The following HDAC8 variants were observed in gnomAD, a reference collection of about 807,000 sequenced individuals.
The protein encoded by HDAC8 is histone deacetylase-like 1.
A neutral mutation model predicts 32.2 loss-of-function variants in HDAC8; 1 was observed. The ratio of observed to expected loss-of-function variants is 0.03; its 90% CI spans 0.01 to 0.15. The LOEUF is 0.15. Among genes scored for constraint, HDAC8 ranks in the 10% least tolerant of loss-of-function variants. The pLI is 1.00. For missense variants in HDAC8, 117 were observed against 300.0 expected, an observed-to-expected ratio of 0.39 and a Z score of 4.51; for synonymous variants, 108 against 113.9, an observed-to-expected ratio of 0.95 and a Z score of 0.33.
chrX:72,500,976 A>G (rs2049194687), intron 4 of HDAC8, among the ~76,000 whole-genome samples: 1 of 111,997 alleles, frequency 8.9e-6, no homozygotes, highest in Non-Finnish European at 1.9e-5. Context: ...CATACCAACA[A>G]TAGTCAACCC....
intron 9 of HDAC8, among the ~76,000 whole-genome samples, chrX:72,391,820 A>T (rs2045619685): frequency 9.0e-6 from 1 of 111,117 alleles, no homozygotes; most frequent in Non-Finnish European, 1.9e-5. Context: ...TGAGCGAATT[A>T]ATCATTCCCC....
chrX:72,532,493 A>T (rs111644182), intron 4 of HDAC8, among the ~76,000 whole-genome samples: 9,582 of 91,621 alleles, frequency 0.1, 1,263 homozygotes, highest in African/African-American at 0.37. Flanking sequence ...TTTTTTTTTT[A>T]AATTAGAGAC....
chrX:72,464,580 C>G lies in HDAC8; in HGVS notation c.889G>C (p.Ala297Pro), dbSNP rs781944571. The G allele has an allele frequency of 5.8e-6, 7 of 1,207,550 alleles. No individual in the cohort carries two copies. The highest frequency in any genetic ancestry group is 7.8e-6 in the Non-Finnish European group (7 of 893,171). The change falls in exon 8 of 11, where the codon GCA becomes CCA. Residue 297 changes from alanine (A) to proline (P), a missense_variant. By Grantham distance (27) the Ala-to-Pro change is conservative. This residue lies in a region of HDAC8 where 57 missense variants were observed against 182.0 expected (regional missense o/e 0.31). Coordinates refer to ENST00000373573, the MANE Select transcript of HDAC8 (RefSeq NM_018486.3). The part of the protein sequence containing the change: ...CLKYILQWQL[A>P]TLILGGGGYN... ...TCACCTCCTCCCAAAATGAGTGTTG[C>G]CAACTGCCATTGAAGGATGTACTTA...
rs139482021 is a variant in HDAC8, at chrX:72,431,819, T to C, written c.1005+30185A>G. On this transcript the variant is annotated intron_variant, in intron 9 of 10. Coordinates refer to ENST00000373573, the MANE Select transcript of HDAC8 (RefSeq NM_018486.3). ...ACATCTGGTTTTCTTTCCATAAATA[T>C]TAGCTAATACTTACTAAGCATTTAT... Among the ~76,000 whole-genome samples, 1,025 of 112,139 alleles carry C rather than the reference T, an allele frequency of 9.1e-3. 5 individuals carry two copies. The highest frequency in any genetic ancestry group is 0.014 in the Non-Finnish European group (761 of 53,253).
chrX:72,356,769 G>A (rs782616709), intron 9 of HDAC8, among the ~76,000 whole-genome samples: 29 of 111,369 alleles, frequency 2.6e-4, no homozygotes, highest in African/African-American at 9.5e-4. Context: ...TAGTAGAGAC[G>A]GGGTTTCACC....
chrX:72,450,219 A>C (rs782412859), intron 9 of HDAC8, among the ~76,000 whole-genome samples: 15 of 112,291 alleles, frequency 1.3e-4, no homozygotes, highest in African/African-American at 4.8e-4. Flanking sequence ...AGAGATGAAG[A>C]AAGGTCAGTG....
At chrX:72,345,882 C>T (rs181494150) in intron 10 of HDAC8, among the ~76,000 whole-genome samples, 1 of 110,885 alleles carries the variant, frequency 9.0e-6, no homozygotes, top group Non-Finnish European at 1.9e-5. Flanking sequence ...TGGGGTTTCA[C>T]CATGTTGTCC....
At chrX:72,549,776 T>TA (rs1187314650) in intron 4 of HDAC8, among the ~76,000 whole-genome samples, 1 of 111,958 alleles carries the variant, frequency 8.9e-6, no homozygotes, top group Admixed American at 9.5e-5. Flanking sequence ...CTTTACTATC[T>TA]ATTGTATCTA....
At position 72,503,879 on chromosome X, in the gene HDAC8, G is replaced by GT. The variant is rs781852523; in HGVS notation, c.438-8612dup. ...ACTAGCCTGGTACCTGACTTACAGG[G>GT]TTCTCAGCCTTACAACTGAGTAAGG... is the stretch of plus-strand genomic sequence containing the variant. On this transcript the variant is annotated intron_variant, in intron 4 of 10. Transcript: ENST00000373573. Among the ~76,000 whole-genome samples the GT allele has an allele frequency of 3.6e-5, 4 of 112,127 alleles. No homozygotes were observed. The East Asian group carries it at 8.4e-4, about 24-fold the overall frequency.
intron 9 of HDAC8, among the ~76,000 whole-genome samples, chrX:72,387,372 A>T (rs981293091): frequency 1.8e-5 from 2 of 112,306 alleles, no homozygotes; most frequent in African/African-American, 6.5e-5. Context: ...GGAAAGATGG[A>T]GGCCAGCAGG....
At chrX:72,362,890 C>T (rs2044596079) in intron 9 of HDAC8, among the ~76,000 whole-genome samples, 1 of 111,316 alleles carries the variant, frequency 9.0e-6, no homozygotes, top group African/African-American at 3.3e-5. Flanking sequence ...GTGAAAATGA[C>T]TATTAAGAAA....
At chrX:72,387,833 T>C (rs1297790412) in intron 9 of HDAC8, among the ~76,000 whole-genome samples, 1 of 111,382 alleles carries the variant, frequency 9.0e-6, no homozygotes, top group Admixed American at 9.6e-5. Flanking sequence ...TTGAATTTAG[T>C]ATAGTTGAGG....
At position 72,496,025 on chromosome X, in the gene HDAC8, C is replaced by A. The variant is rs181660110; in HGVS notation, c.438-757G>T. Among the ~76,000 whole-genome samples the A allele has an allele frequency of 6.3e-5, 7 of 111,693 alleles. No homozygotes were observed. The East Asian group carries it at 2.0e-3, about 32-fold the overall frequency. Reference sequence around the variant, plus strand: ...CTCTTTTACTACACTTCCATTAAGCCTTGCTGATTAGATGTCAAATAACAT... The same window carrying A: ...CTCTTTTACTACACTTCCATTAAGCATTGCTGATTAGATGTCAAATAACAT... On this transcript the variant is annotated intron_variant, in intron 4 of 10. Transcript: ENST00000373573.
At chrX:72,426,189 C>G (rs782591964) in intron 9 of HDAC8, among the ~76,000 whole-genome samples, 2 of 112,036 alleles carry the variant, frequency 1.8e-5, no homozygotes, top group African/African-American at 6.5e-5. Context: ...ACTGGAATGG[C>G]GAAGAGGAAG....
At chrX:72,514,093 C>T (rs1301791411) in intron 4 of HDAC8, among the ~76,000 whole-genome samples, 1 of 112,372 alleles carries the variant, frequency 8.9e-6, no homozygotes, top group African/African-American at 3.2e-5. Context: ...AAATTTAATA[C>T]TGAAACTCAG....
intron 9 of HDAC8, among the ~76,000 whole-genome samples, chrX:72,374,095 A>C (rs782595106): frequency 1.1e-3 from 125 of 111,754 alleles, no homozygotes; most frequent in African/African-American, 3.8e-3. Context: ...CCCAGGCTGG[A>C]GTGCAGTGGT....
intron 7 of HDAC8, among the ~76,000 whole-genome samples, chrX:72,464,995 G>C (rs1325379210): frequency 3.6e-5 from 4 of 111,709 alleles, no homozygotes; most frequent in African/African-American, 1.3e-4. Context: ...TTAAAATTCA[G>C]ACTTCCTTGA....
chrX:72,552,650 T>C (rs923500787), intron 4 of HDAC8, among the ~76,000 whole-genome samples: 2 of 108,777 alleles, frequency 1.8e-5, no homozygotes, highest in African/African-American at 3.3e-5. Flanking sequence ...TGTGGTGGTG[T>C]GTGGCTGTGG....
chrX:72,422,469 C>G (rs184340396), intron 9 of HDAC8, among the ~76,000 whole-genome samples: 4 of 110,692 alleles, frequency 3.6e-5, no homozygotes, highest in African/African-American at 9.8e-5. Context: ...TCCTTGAATG[C>G]CAGGAGCTAA....
Sources: allele counts gnomAD v4.1 joint callset (sites outside exome capture counted in the v4.1 genomes callset), GRCh38; gene constraint gnomAD v4.1.1; regional missense constraint gnomAD v4.1.1; transcripts MANE v1.5; gene names NCBI Gene and HGNC (gene_info 2026-07-23, HGNC 2026-07-21).